The following AAK1 variants were observed in gnomAD, a reference collection of about 807,000 sequenced individuals.
The protein encoded by AAK1 is AP2-associated protein kinase 1.
AAK1 carries 37 observed loss-of-function variants against 116.0 expected under a neutral mutation model. That is an observed-to-expected ratio of 0.32 (90% confidence interval 0.25 to 0.42). The LOEUF (loss-of-function observed/expected upper bound fraction) is 0.42. AAK1 is among the 10% of genes least tolerant of loss of function. The pLI, the probability that AAK1 is intolerant of heterozygous loss-of-function variation, is 1.00. For missense variants in AAK1, 919 were observed against 1,170.6 expected (o/e 0.79, Z 3.14); for synonymous variants, 458 against 439.9 (o/e 1.04, Z -0.51).
Position 69,470,964 on chromosome 2 carries a change from T to C in AAK1, c.*4905A>G, listed in dbSNP as rs1052878469. On this transcript the variant is annotated 3_prime_UTR_variant, in exon 22 of 22. Coordinates refer to ENST00000409085, the MANE Select transcript of AAK1 (RefSeq NM_014911.5). ...GTCTTTATTCCCCTGTATGTTTACATAAGAAAGTTCTTTACAGACTTTTTT... is the reference window on the plus strand; with the variant it reads ...GTCTTTATTCCCCTGTATGTTTACACAAGAAAGTTCTTTACAGACTTTTTT... 2.0e-6 allele frequency: 2 copies of C among 985,908 alleles called. No homozygotes were observed. Among genetic ancestry groups the C allele is most frequent in the Non-Finnish European group, 2.4e-6 (2 of 829,924 alleles). The allele number at this position is 985,908 out of a possible 1,614,324, so 61.1% of individuals were successfully genotyped here.
At position 69,556,867 on chromosome 2, in the gene AAK1, T is replaced by C; in HGVS notation, c.275A>G (p.Gln92Arg). 6.2e-7 allele frequency: 1 copy of C among 1,612,698 alleles called. No homozygotes were observed. Among genetic ancestry groups the C allele is most frequent in the South Asian group, 1.1e-5 (1 of 91,054 alleles). The change falls in exon 3 of 22, where the codon CAG (glutamine) becomes CGG (arginine). Residue 92 changes from glutamine to arginine, a missense_variant. Around this residue, in one of 4 missense-constraint regions of AAK1, gnomAD observed 317 missense variants for 490.4 expected, o/e 0.65. Coordinates refer to ENST00000409085, the MANE Select transcript of AAK1 (RefSeq NM_014911.5). The part of the protein sequence containing the change: ...HDLQVCKREI[Q>R]IMRDLSGHKN... ...TCCAAGGGGCAGCCTTACCATTATC[T>C]GGATTTCTCTCTTGCACACCTGGAG...
chr2:69,612,320 G>C (rs1674123404), intron 2 of AAK1, among the ~76,000 whole-genome samples: 2 of 152,138 alleles, frequency 1.3e-5, no homozygotes, highest in Non-Finnish European at 1.5e-5. Context: ...AAAGGGCTTG[G>C]GTTTAGAGTC....
chr2:69,615,483 A>G lies in AAK1; in HGVS notation c.163+27395T>C, dbSNP rs1007126413. On this transcript the variant is annotated intron_variant, in intron 2 of 21. Transcript: ENST00000409085. ...TTAAGAACTGGCCTGAGGAGTTTCTAGAAGAACCTGAAACACGGGATTTCC... is the reference window on the plus strand; with the variant it reads ...TTAAGAACTGGCCTGAGGAGTTTCTGGAAGAACCTGAAACACGGGATTTCC... 1.4e-4 allele frequency among the ~76,000 whole-genome samples: 21 copies of G among 152,374 alleles called. No homozygotes were observed. In the South Asian group the frequency reaches 4.1e-3, roughly 30 times the overall value.
intron 2 of AAK1, among the ~76,000 whole-genome samples, chr2:69,593,114 C>T (rs1174716731): frequency 6.6e-6 from 1 of 152,094 alleles, no homozygotes; most frequent in Non-Finnish European, 1.5e-5. Context: ...CAGAAGTGTG[C>T]TTTGATAAGA....
chr2:69,566,016 G>C (rs1671851299), intron 2 of AAK1, among the ~76,000 whole-genome samples: 1 of 143,184 alleles, frequency 7.0e-6, no homozygotes, highest in Admixed American at 6.9e-5. Context: ...AGCTTGGGTG[G>C]ACTATTCAGG....
intron 17 of AAK1, among the ~76,000 whole-genome samples, chr2:69,484,868 CAA>C (rs1402777703): frequency 9.4e-6 from 1 of 106,078 alleles, no homozygotes; most frequent in Non-Finnish European, 1.9e-5. Context: ...GAGTGAGTCT[CAA>C]AAAAAAAAAT....
intron 2 of AAK1, among the ~76,000 whole-genome samples, chr2:69,573,369 G>A (rs898672839): frequency 6.6e-6 from 1 of 152,224 alleles, no homozygotes; most frequent in African/African-American, 2.4e-5. Context: ...GCTAAAACAA[G>A]GAGGAAAAGT....
chr2:69,585,851 G>A (rs913934727), intron 2 of AAK1, among the ~76,000 whole-genome samples: 4 of 152,110 alleles, frequency 2.6e-5, no homozygotes, highest in African/African-American at 9.7e-5. Flanking sequence ...TTAAGCCTCA[G>A]TTATTATCCA....
chr2:69,545,182 A>AG (rs1670873714), intron 3 of AAK1, among the ~76,000 whole-genome samples: 1 of 152,180 alleles, frequency 6.6e-6, no homozygotes, highest in Non-Finnish European at 1.5e-5. Flanking sequence ...GTGATCTCTT[A>AG]GGGCTGCTTG....
Position 69,473,873 on chromosome 2 carries a change from A to C in AAK1, c.*1996T>G. 1 of 985,892 alleles carries C rather than the reference A, an allele frequency of 1.0e-6. No individual in the cohort carries two copies. Among genetic ancestry groups the C allele is most frequent in the Non-Finnish European group, 1.2e-6 (1 of 829,942 alleles). The allele number at this position is 985,892 out of a possible 1,614,324, so 61.1% of individuals were successfully genotyped here. ...CTGACCTGCAGCAATTTTCCTGTCCATAAAGGGGTAAACCAAGTCCTATTT... is the reference window on the plus strand; with the variant it reads ...CTGACCTGCAGCAATTTTCCTGTCCCTAAAGGGGTAAACCAAGTCCTATTT... On this transcript the variant is annotated 3_prime_UTR_variant, in exon 22 of 22. Coordinates refer to ENST00000409085, the MANE Select transcript of AAK1 (RefSeq NM_014911.5).
chr2:69,612,770 G>A (rs1674145968), intron 2 of AAK1, among the ~76,000 whole-genome samples: 1 of 152,204 alleles, frequency 6.6e-6, no homozygotes, highest in South Asian at 2.1e-4. Flanking sequence ...TGGAAGACAT[G>A]AGCCAGTTTA....
chr2:69,531,297 T>C (rs1670243694), intron 6 of AAK1, among the ~76,000 whole-genome samples: 1 of 152,224 alleles, frequency 6.6e-6, no homozygotes, highest in South Asian at 2.1e-4. Context: ...CTTTAGTCTC[T>C]AGATCCCAGA....
intron 3 of AAK1, among the ~76,000 whole-genome samples, chr2:69,548,341 T>C (rs6709892): frequency 0.48 from 72,371 of 151,566 alleles, 18,161 homozygotes; most frequent in East Asian, 0.77. Flanking sequence ...AAAAGATCCT[T>C]TGAGTAACAC....
Position 69,458,858 on chromosome 2 carries a change from G to T in AAK1, c.*17011C>A, listed in dbSNP as rs1199902671. On this transcript the variant is annotated 3_prime_UTR_variant, in exon 22 of 22. Coordinates refer to ENST00000409085, the MANE Select transcript of AAK1 (RefSeq NM_014911.5). ...AACCTATCCTATTTTAACTGGTATTGGTAAAAACTATTTTTGCAATTCCTT... is the reference window on the plus strand; with the variant it reads ...AACCTATCCTATTTTAACTGGTATTTGTAAAAACTATTTTTGCAATTCCTT... 6.6e-6 allele frequency: 1 copy of T among 152,480 alleles called. No individual in the cohort carries two copies. The highest frequency in any genetic ancestry group is 1.5e-5 in the Non-Finnish European group (1 of 68,026). 9.4% of individuals were successfully genotyped at this position (152,480 alleles called of 1,614,324 possible).
chr2:69,538,336 G>A (rs756983494), intron 5 of AAK1, among the ~76,000 whole-genome samples: 2 of 152,206 alleles, frequency 1.3e-5, no homozygotes, highest in East Asian at 3.9e-4. Flanking sequence ...GGGCTGTTCA[G>A]TGCAGTGAAG....
At chr2:69,514,339 A>G (rs1436382500) in intron 13 of AAK1, 132 bp downstream of exon 13, 1 of 1,206,598 alleles carries the variant, frequency 8.3e-7, no homozygotes, top group African/African-American at 1.5e-5. Flanking sequence ...GGAAAGATCA[A>G]ATAATTGAAC....
Position 69,469,622 on chromosome 2 carries a change from C to T in AAK1, c.*6247G>A, listed in dbSNP as rs1053824096. 1.0e-6 allele frequency: 1 copy of T among 985,442 alleles called. No homozygotes were observed. The highest frequency in any genetic ancestry group is 4.7e-5 in the South Asian group (1 of 21,282). 61.0% of individuals were successfully genotyped at this position (985,442 alleles called of 1,614,324 possible). ...TGGCCATAGAGCTCAGTAAACACTG[C>T]CTGTTGTACCTCAGGGGCTAAAGCC... On this transcript the variant is annotated 3_prime_UTR_variant, in exon 22 of 22. Coordinates refer to ENST00000409085, the MANE Select transcript of AAK1 (RefSeq NM_014911.5).
In AAK1 at chr2:69,473,997, T is replaced by G; in HGVS notation, c.*1872A>C. 1 of 985,858 alleles carries G rather than the reference T, an allele frequency of 1.0e-6. No homozygotes were observed. The highest frequency in any genetic ancestry group is 1.2e-6 in the Non-Finnish European group (1 of 829,946). The allele number at this position is 985,858 out of a possible 1,614,324, so 61.1% of individuals were successfully genotyped here. A position where few individuals can be genotyped will look rare whatever the true frequency, so the allele number is the denominator to read the frequency against. ...CTCTCTCAGTTTTGGAAATGGTCTG[T>G]TATTCAACTAGAGGCCTTTACCTAG... On this transcript the variant is annotated 3_prime_UTR_variant, in exon 22 of 22. Coordinates refer to ENST00000409085, the MANE Select transcript of AAK1 (RefSeq NM_014911.5).
At chr2:69,590,982 G>A (rs1022161128) in intron 2 of AAK1, among the ~76,000 whole-genome samples, 1 of 152,190 alleles carries the variant, frequency 6.6e-6, no homozygotes, top group Non-Finnish European at 1.5e-5. Context: ...ATGTCAGCTC[G>A]ATTGCTAGGG....
Sources: gnomAD v4.1 joint callset for allele counts (sites outside exome capture counted in the v4.1 genomes callset) on GRCh38, gnomAD v4.1.1 for gene constraint, gnomAD v4.1.1 regional missense constraint, MANE v1.5 for transcripts, NCBI Gene and HGNC (gene_info 2026-07-23, HGNC 2026-07-21) for gene names.